The following ASTN1 variants were observed in gnomAD, a reference collection of about 807,000 sequenced individuals.
The protein encoded by ASTN1 is astrotactin-1.
Under a neutral mutation model 140.7 loss-of-function variants are expected in ASTN1, and 41 were observed. The observed-to-expected ratio is 0.29, with a 90% CI of 0.23 to 0.38. The LOEUF is 0.38. Among genes scored for constraint, ASTN1 ranks in the 10% least tolerant of loss-of-function variants. ASTN1 has a pLI of 1.00. For synonymous variants in ASTN1, 640 were observed against 652.2 expected, an observed-to-expected ratio of 0.98 and a Z score of 0.29; for missense variants, 1,479 against 1,678.8, an observed-to-expected ratio of 0.88 and a Z score of 2.08.
intron 12 of ASTN1, among the ~76,000 whole-genome samples, chr1:176,947,727 C>G (rs1672015274): frequency 6.6e-6 from 1 of 152,280 alleles, no homozygotes; most frequent in South Asian, 2.1e-4. Flanking sequence ...CCTTGAACAT[C>G]TGGACAGCTT....
intron 8 of ASTN1, among the ~76,000 whole-genome samples, chr1:176,996,562 T>C (rs150197518): frequency 6.6e-6 from 1 of 152,284 alleles, no homozygotes; most frequent in East Asian, 1.9e-4. Context: ...GGTTTTGCGA[T>C]AGCATCACCA....
At chr1:176,993,553 C>G (rs1674288866) in intron 8 of ASTN1, among the ~76,000 whole-genome samples, 1 of 152,134 alleles carries the variant, frequency 6.6e-6, no homozygotes, top group African/African-American at 2.4e-5. Context: ...AGAACATCCT[C>G]CTTTCAGAAA....
intron 16 of ASTN1, among the ~76,000 whole-genome samples, chr1:176,913,881 G>C (rs1670364613): frequency 6.6e-6 from 1 of 152,206 alleles, no homozygotes; most frequent in South Asian, 2.1e-4. Flanking sequence ...GGGCTTGGGG[G>C]AAGAAGAAAA....
chr1:176,958,449 C>T lies in ASTN1; in HGVS notation c.1632G>A (p.Leu544=). The stretch of plus-strand genomic sequence containing the variant: ...GAATCACAAAGCTCTTGCTGAGGGG[C>T]AACCACATGCCCTCCCCAAGAGTGT... ...FTYTLGEGMW[L]PLSKSFVIPP... is the part of the protein sequence containing the mutation. Residue 544 remains leucine (L), a synonymous_variant, in exon 10 of 23, where the codon TTG becomes TTA. Coordinates refer to ENST00000361833, the MANE Select transcript of ASTN1 (RefSeq NM_004319.3). 2 of 1,613,748 alleles carry T rather than the reference C, an allele frequency of 1.2e-6. No homozygotes were observed. Among genetic ancestry groups the T allele is most frequent in the African/African-American group, 2.7e-5 (2 of 75,044 alleles).
chr1:177,136,890 T>C (rs12030175), intron 1 of ASTN1, among the ~76,000 whole-genome samples: 32,856 of 152,188 alleles, frequency 0.22, 7,218 homozygotes, highest in African/African-American at 0.57. Flanking sequence ...AAAAATAATT[T>C]TCCAAGGGTT....
intron 1 of ASTN1, among the ~76,000 whole-genome samples, chr1:177,112,578 T>C (rs1294340602): frequency 3.3e-5 from 5 of 152,178 alleles, no homozygotes; most frequent in African/African-American, 1.2e-4. Flanking sequence ...CTGTGGTTCA[T>C]CAATATTTCC....
In ASTN1 at chr1:177,060,249, G is replaced by A. The variant is rs180945064; in HGVS notation, c.471+829C>T. Among the ~76,000 whole-genome samples the A allele has an allele frequency of 1.9e-3, 284 of 152,286 alleles. 1 individual carries two copies. The highest frequency in any genetic ancestry group is 6.4e-3 in the African/African-American group (267 of 41,568). ...TTTTTTTGAGGCTTCAAATTTCTAA[G>A]TAGGAGAAGGAATGTTAATAGTAAA... On this transcript the variant is annotated intron_variant, in intron 2 of 22. Transcript: ENST00000361833.
intron 2 of ASTN1, among the ~76,000 whole-genome samples, chr1:177,038,083 A>T (rs905533525): frequency 6.6e-6 from 1 of 152,160 alleles, no homozygotes; most frequent in Non-Finnish European, 1.5e-5. Context: ...TCTCTCCTTT[A>T]TGCTTATCCC....
At chr1:176,894,455 A>G (rs1463867108) in intron 17 of ASTN1, 107 bp downstream of exon 17, 36 of 1,406,674 alleles carry the variant, frequency 2.6e-5, no homozygotes, top group Non-Finnish European at 3.2e-5. Context: ...CTCACTATCC[A>G]TATTCTAGCA....
chr1:177,144,268 T>C (rs914431561), intron 1 of ASTN1, among the ~76,000 whole-genome samples: 35 of 151,530 alleles, frequency 2.3e-4, no homozygotes, highest in Admixed American at 2.1e-3. Flanking sequence ...TTTTTTTTTT[T>C]CTGAGACGAA....
At chr1:177,027,705 C>T (rs1290678445) in intron 5 of ASTN1, among the ~76,000 whole-genome samples, 1 of 144,256 alleles carries the variant, frequency 6.9e-6, no homozygotes, top group Non-Finnish European at 1.5e-5. Context: ...TTTTGAGAAA[C>T]CCAGTACAGT....
At chr1:176,990,486 A>T (rs1292797853) in intron 8 of ASTN1, among the ~76,000 whole-genome samples, 1 of 152,018 alleles carries the variant, frequency 6.6e-6, no homozygotes, top group African/African-American at 2.4e-5. Context: ...GAATAAGTAG[A>T]GAAAAAAAGA....
chr1:177,129,155 C>T (rs909838309), intron 1 of ASTN1, among the ~76,000 whole-genome samples: 5 of 152,124 alleles, frequency 3.3e-5, no homozygotes, highest in South Asian at 2.1e-4. Flanking sequence ...AAACAACAGA[C>T]GAATACACTC....
chr1:177,069,486 G>C (rs753564100), intron 1 of ASTN1, among the ~76,000 whole-genome samples: 13 of 152,132 alleles, frequency 8.5e-5, no homozygotes, highest in Non-Finnish European at 1.0e-4. Flanking sequence ...TTGTCTCTGG[G>C]GGCAGTTGGG....
chr1:177,118,359 CAG>C (rs1681200468), intron 1 of ASTN1, among the ~76,000 whole-genome samples: 1 of 152,098 alleles, frequency 6.6e-6, no homozygotes, highest in Admixed American at 6.5e-5. Flanking sequence ...TTAACATGCA[CAG>C]AGTGTTCATG....
At chr1:177,008,729 AAGAG>A (rs1038189723) in intron 8 of ASTN1, among the ~76,000 whole-genome samples, 2 of 151,544 alleles carry the variant, frequency 1.3e-5, no homozygotes. Context: ...ATGAGAGAGA[AAGAG>A]AGAGAGAGGA....
intron 1 of ASTN1, 120 bp from the exon 2 acceptor site, chr1:177,061,385 A>C (rs1678081290): frequency 1.0e-6 from 1 of 958,566 alleles, no homozygotes; most frequent in African/African-American, 1.7e-5. Flanking sequence ...AGTTTCCAAC[A>C]ATGTATAGTT....
chr1:176,962,652 T>C (rs994367070), intron 9 of ASTN1, among the ~76,000 whole-genome samples: 3 of 152,192 alleles, frequency 2.0e-5, no homozygotes, highest in African/African-American at 7.2e-5. Context: ...TACAGTGAAT[T>C]GGAGACATTT....
At chr1:177,148,313 G>A (rs1440875868) in intron 1 of ASTN1, among the ~76,000 whole-genome samples, 2 of 151,912 alleles carry the variant, frequency 1.3e-5, no homozygotes, top group African/African-American at 4.8e-5. Context: ...AGCTACTCAG[G>A]AGGCTGAGGC....
Sources: allele counts gnomAD v4.1 joint callset (sites outside exome capture counted in the v4.1 genomes callset), GRCh38; gene constraint gnomAD v4.1.1; transcripts MANE v1.5; gene names NCBI Gene and HGNC (gene_info 2026-07-23, HGNC 2026-07-21).